GRAMD1C: variants seen among roughly 807,000 people sequenced by gnomAD.
GRAMD1C encodes the protein GRAM domain containing 1C, also known as protein Aster-C.
In GRAMD1C, 89 loss-of-function variants were observed where a neutral mutation model predicts 97.8. The ratio of observed to expected loss-of-function variants is 0.91; its 90% CI spans 0.77 to 1.09. The LOEUF (loss-of-function observed/expected upper bound fraction) is 1.09, where lower values mean the gene tolerates loss of function less well. GRAMD1C is among the 50% of genes least tolerant of loss of function. The probability of loss-of-function intolerance (pLI) is 0.00; values close to 1 mark genes in which losing one functional copy is unlikely to be tolerated. For missense variants in GRAMD1C, 740 were observed against 766.4 expected, an observed-to-expected ratio of 0.97 and a Z score of 0.41; for synonymous variants, 256 against 267.0, an observed-to-expected ratio of 0.96 and a Z score of 0.40.
chr3:113,919,930 G>A, intron 10 of GRAMD1C: 2 of 657,164 alleles, frequency 3.0e-6, no homozygotes, highest in Non-Finnish European at 5.8e-6. Flanking sequence ...AATAATGGAT[G>A]GTGCACCAGT....
intron 2 of GRAMD1C, chr3:113,850,658 T>C: frequency 6.2e-7 from 1 of 1,605,152 alleles, no homozygotes; most frequent in Admixed American, 1.7e-5. Context: ...GTGGACGTCC[T>C]TCTTGGCCAC....
At position 113,890,862 on chromosome 3, in the gene GRAMD1C, G is replaced by A. The variant is rs1935699252; in HGVS notation, c.540+8030G>A. ...GAGAAACTAAGTTCTTCACTTTAATGAAGAAGAAAGCTCTCTGAAGTGAGA... is the reference window on the plus strand; with the variant it reads ...GAGAAACTAAGTTCTTCACTTTAATAAAGAAGAAAGCTCTCTGAAGTGAGA... On this transcript the variant is annotated intron_variant, in intron 6 of 17. Transcript: ENST00000358160. The A allele has an allele frequency of 6.8e-6, 4 of 586,244 alleles. No homozygotes were observed. In the South Asian group the frequency reaches 6.8e-5, roughly 10 times the overall value. 36.3% of individuals were successfully genotyped at this position (586,244 alleles called of 1,614,324 possible).
intron 3 of GRAMD1C, among the ~76,000 whole-genome samples, chr3:113,873,620 G>A (rs1934919809): frequency 6.6e-6 from 1 of 152,086 alleles, no homozygotes; most frequent in Non-Finnish European, 1.5e-5. Flanking sequence ...CCGCGTTCAA[G>A]GGATTCTCAT....
intron 6 of GRAMD1C, chr3:113,897,866 T>C: frequency 2.6e-6 from 1 of 386,272 alleles, no homozygotes; most frequent in Non-Finnish European, 3.5e-6. Flanking sequence ...ACTACTAAGG[T>C]AGATTATTTT....
rs151274550 is a variant in GRAMD1C, at chr3:113,884,637, C to G, written c.540+1805C>G. On this transcript the variant is annotated intron_variant, in intron 6 of 17. Transcript: ENST00000358160. ...CACGAGGTCAGGAGATCGAGACCAT[C>G]CTGGCTAACATGTGTTATGGTGAAA... 8.8e-3 allele frequency among the ~76,000 whole-genome samples: 1,336 copies of G among 152,178 alleles called. 24 individuals are homozygous for G. Among genetic ancestry groups the G allele is most frequent in the African/African-American group, 0.031 (1,266 of 41,506 alleles).
At chr3:113,876,710 A>G (rs1935051574) in intron 5 of GRAMD1C, among the ~76,000 whole-genome samples, 2 of 152,110 alleles carry the variant, frequency 1.3e-5, no homozygotes, top group African/African-American at 4.8e-5. Context: ...TTCACCTACA[A>G]TGTCTGCCAT....
chr3:113,844,109 T>C (rs1187684644), intron 1 of GRAMD1C, among the ~76,000 whole-genome samples: 1 of 152,196 alleles, frequency 6.6e-6, no homozygotes, highest in Non-Finnish European at 1.5e-5. Context: ...ATAATAGTAG[T>C]TGGAAAATCT....
At chr3:113,886,780 T>G (rs1935502391) in intron 6 of GRAMD1C, among the ~76,000 whole-genome samples, 1 of 38,762 alleles carries the variant, frequency 2.6e-5, no homozygotes, top group African/African-American at 7.7e-5. Flanking sequence ...TTTGCTTGTT[T>G]TTTTTTTTTT....
intron 1 of GRAMD1C, among the ~76,000 whole-genome samples, chr3:113,830,756 C>T (rs1709547157): frequency 6.6e-6 from 1 of 152,192 alleles, no homozygotes; most frequent in Non-Finnish European, 1.5e-5. Flanking sequence ...CATGACTGCA[C>T]TTCCTAAAAC....
intron 7 of GRAMD1C, 67 bp downstream of exon 7, chr3:113,901,213 TC>T (rs1300879387): frequency 1.2e-6 from 1 of 840,650 alleles, no homozygotes; most frequent in Non-Finnish European, 2.0e-6. Context: ...TATTTTACAT[TC>T]GACTAATTCT....
At chr3:113,915,968 G>C (rs1936796759) in intron 10 of GRAMD1C, 130 bp downstream of exon 10, 1 of 684,318 alleles carries the variant, frequency 1.5e-6, no homozygotes, top group Non-Finnish European at 2.5e-6. Context: ...TATGTTGACA[G>C]TATATAAACT....
chr3:113,887,729 G>T (rs1344847543), intron 6 of GRAMD1C, among the ~76,000 whole-genome samples: 5 of 127,930 alleles, frequency 3.9e-5, no homozygotes, highest in Admixed American at 7.7e-5. Flanking sequence ...AAAAAAAAAA[G>T]GAAAATTGAC....
chr3:113,851,939 G>C (rs1933926652), intron 2 of GRAMD1C, among the ~76,000 whole-genome samples: 1 of 151,984 alleles, frequency 6.6e-6, no homozygotes, highest in South Asian at 2.1e-4. Flanking sequence ...CATGATCTCG[G>C]CTCACTGCAA....
At chr3:113,902,228 T>C (rs768246985) in intron 7 of GRAMD1C, among the ~76,000 whole-genome samples, 1 of 152,254 alleles carries the variant, frequency 6.6e-6, no homozygotes, top group Admixed American at 6.5e-5. Flanking sequence ...AATCTACTTA[T>C]GCTGATCCAA....
At chr3:113,922,246 A>AT (rs1170002046) in intron 10 of GRAMD1C, among the ~76,000 whole-genome samples, 2 of 151,582 alleles carry the variant, frequency 1.3e-5, no homozygotes, top group South Asian at 2.1e-4. Context: ...TAATTTTTAT[A>AT]TTTTTTTGTA....
chr3:113,850,742 G>A lies in GRAMD1C; in HGVS notation c.174+6093G>A, dbSNP rs1236761073. On this transcript the variant is annotated intron_variant, in intron 2 of 17. Transcript: ENST00000358160. ...CTTAGGCATCAACATCTCCGCTGCT[G>A]TAGGGTCCGGGGCTGAGGCTGGAAA... is the stretch of plus-strand genomic sequence containing the variant. 5.0e-6 allele frequency: 7 copies of A among 1,412,424 alleles called. No individual in the cohort carries two copies. In the Admixed American group the frequency reaches 7.5e-5, roughly 15 times the overall value. 87.5% of individuals were successfully genotyped at this position (1,412,424 alleles called of 1,614,324 possible).
intron 1 of GRAMD1C, among the ~76,000 whole-genome samples, chr3:113,828,459 C>G (rs112798621): frequency 6.6e-5 from 10 of 152,320 alleles, no homozygotes; most frequent in African/African-American, 2.2e-4. Context: ...TTTTCAGCCA[C>G]TAAGGTTTTG....
chr3:113,858,975 CTTT>C (rs1049426894), intron 2 of GRAMD1C, among the ~76,000 whole-genome samples: 6 of 152,114 alleles, frequency 3.9e-5, no homozygotes. Context: ...TTCTCTCACT[CTTT>C]TTTGTCAGTC....
chr3:113,913,202 A>C, intron 9 of GRAMD1C: 8 of 650,784 alleles, frequency 1.2e-5, no homozygotes, highest in Non-Finnish European at 1.7e-5. Flanking sequence ...TCTCTTTCTC[A>C]CCTGCTTCTT....
Sources: gnomAD v4.1 joint callset for allele counts (sites outside exome capture counted in the v4.1 genomes callset) on GRCh38, gnomAD v4.1.1 for gene constraint, MANE v1.5 for transcripts, NCBI Gene and HGNC (gene_info 2026-07-23, HGNC 2026-07-21) for gene names.